OCA2: variants seen among roughly 807,000 people sequenced by gnomAD.
OCA2 encodes the protein P protein.
In OCA2, 77 loss-of-function variants were observed where a neutral mutation model predicts 100.2. The observed-to-expected ratio is 0.77, with a 90% CI of 0.64 to 0.93. The LOEUF (loss-of-function observed/expected upper bound fraction) is 0.93. Among genes scored for constraint, OCA2 ranks in the 40% least tolerant of loss-of-function variants. The pLI, the probability that OCA2 is intolerant of heterozygous loss-of-function variation, is 0.00. For synonymous variants in OCA2, 432 were observed against 439.2 expected (o/e 0.98, Z 0.21); for missense variants, 1,062 against 1,089.1 (o/e 0.98, Z 0.35).
At chr15:27,728,517 A>C in the OCA2 span, among the ~76,000 whole-genome samples, 1 of 152,218 alleles carries the variant, frequency 6.6e-6, no homozygotes, top group South Asian at 2.1e-4. Flanking sequence ...TTTCGGCGCA[A>C]GCTGGCACTG....
intron 2 of OCA2, among the ~76,000 whole-genome samples, chr15:28,079,302 T>G (rs949729347): frequency 3.3e-4 from 32 of 96,512 alleles, no homozygotes; most frequent in African/African-American, 1.4e-3. Context: ...GATTACTGTT[T>G]TTTTTTTTTT....
chr15:27,889,298 T>C (rs953927065), intron 19 of OCA2, among the ~76,000 whole-genome samples: 5 of 152,180 alleles, frequency 3.3e-5, no homozygotes, highest in African/African-American at 9.7e-5. Flanking sequence ...CTCTCTCACC[T>C]TTGAGGTCTA....
intron 14 of OCA2, among the ~76,000 whole-genome samples, chr15:27,972,878 A>ATTTTTT (rs1371933501): frequency 5.5e-5 from 2 of 36,540 alleles, no homozygotes; most frequent in African/African-American, 1.1e-4. Flanking sequence ...ATTTTATTTT[A>ATTTTTT]TTTTTGTGAC....
intron 19 of OCA2, among the ~76,000 whole-genome samples, chr15:27,903,510 T>C (rs2594904): frequency 0.2 from 29,883 of 152,210 alleles, 5,161 homozygotes; most frequent in African/African-American, 0.46. Context: ...TTTGTTGAGA[T>C]GGAGTCTTGC....
chr15:27,952,001 T>G, intron 17 of OCA2, 109 bp from the exon 18 acceptor site: 1 of 811,282 alleles, frequency 1.2e-6, no homozygotes, highest in South Asian at 1.4e-5. Flanking sequence ...GGATGAAAAA[T>G]GTAACCTCTC....
intron 23 of OCA2, among the ~76,000 whole-genome samples, chr15:27,833,645 A>C (rs1489235674): frequency 1.3e-5 from 2 of 152,244 alleles, no homozygotes; most frequent in Admixed American, 1.3e-4. Flanking sequence ...AAGTTACATA[A>C]AAGCAATCAT....
intron 2 of OCA2, among the ~76,000 whole-genome samples, chr15:28,069,562 G>A (rs1239213682): frequency 9.2e-5 from 13 of 141,038 alleles, no homozygotes; most frequent in African/African-American, 3.1e-4. Context: ...GCAGGCACGC[G>A]CCGCCACGCC....
the OCA2 span, among the ~76,000 whole-genome samples, chr15:27,746,054 T>C: frequency 0.3 from 46,239 of 152,162 alleles, 8,689 homozygotes; most frequent in Non-Finnish European, 0.43. Context: ...CTTGGGCACA[T>C]GTTCTCAGGA....
intron 23 of OCA2, among the ~76,000 whole-genome samples, chr15:27,823,162 A>C: frequency 6.6e-6 from 1 of 152,178 alleles, no homozygotes; most frequent in Non-Finnish European, 1.5e-5. Context: ...GGAGAGCCTT[A>C]TACGTTTGAG....
intron 12 of OCA2, among the ~76,000 whole-genome samples, chr15:27,985,971 G>A (rs970026254): frequency 2.6e-5 from 4 of 152,206 alleles, no homozygotes; most frequent in Admixed American, 6.5e-5. Flanking sequence ...GATTACAGGC[G>A]TGAGCCACTG....
chr15:28,084,763 G>A (rs912540814), intron 1 of OCA2, among the ~76,000 whole-genome samples: 2 of 152,158 alleles, frequency 1.3e-5, no homozygotes, highest in Admixed American at 6.5e-5. Flanking sequence ...AGAAGTTTAT[G>A]GTGTTTTGTT....
the OCA2 span, among the ~76,000 whole-genome samples, chr15:27,741,227 TAC>T: frequency 2.0e-5 from 3 of 152,196 alleles, no homozygotes; most frequent in African/African-American, 7.2e-5. Context: ...ACACATCCCT[TAC>T]ACACATAGAA....
At chr15:27,851,872 CCTTT>C (rs1471872884) in intron 21 of OCA2, among the ~76,000 whole-genome samples, 1 of 152,148 alleles carries the variant, frequency 6.6e-6, no homozygotes, top group Non-Finnish European at 1.5e-5. Flanking sequence ...GTTACTCCTT[CCTTT>C]GACAGATGAG....
In OCA2 at chr15:27,920,876, A is replaced by G. The variant is rs561789391; in HGVS notation, c.2079+5251T>C. Among the ~76,000 whole-genome samples the G allele has an allele frequency of 2.0e-5, 3 of 152,222 alleles. No individual in the cohort carries two copies. The East Asian group carries it at 5.8e-4, about 29-fold the overall frequency. ...AAAATAGATCAATAGAAATTACTCAATCTGAAGAACATAGAAGAAAAAAGA... is the reference window on the plus strand; with the variant it reads ...AAAATAGATCAATAGAAATTACTCAGTCTGAAGAACATAGAAGAAAAAAGA... On this transcript the variant is annotated intron_variant, in intron 19 of 23. Coordinates refer to ENST00000354638, the MANE Select transcript of OCA2 (RefSeq NM_000275.3).
rs5811523 is a variant in OCA2 at position 27,995,559 on chromosome 15, A to ATTTTT, written c.1045-4917_1045-4913dup. Among the ~76,000 whole-genome samples, 7 of 148,082 alleles carry ATTTTT rather than the reference A, an allele frequency of 4.7e-5. No homozygotes were observed. In the South Asian group the frequency reaches 8.6e-4, roughly 18 times the overall value. On this transcript the variant is annotated intron_variant, in intron 9 of 23. Transcript: ENST00000354638. The stretch of plus-strand genomic sequence containing the variant: ...AAGTGTACACCACCATGTCCAGCTA[A>ATTTTT]TTTTTTTTTTTCAGAGATGGAGGTC...
the OCA2 span, among the ~76,000 whole-genome samples, chr15:27,745,091 T>G: frequency 6.6e-6 from 1 of 152,190 alleles, no homozygotes; most frequent in Non-Finnish European, 1.5e-5. Context: ...AGAGGGTTCT[T>G]GGATCTCCCA....
chr15:27,823,704 T>C (rs146379901), intron 23 of OCA2, among the ~76,000 whole-genome samples: 12 of 152,282 alleles, frequency 7.9e-5, no homozygotes, highest in African/African-American at 2.6e-4. Context: ...TAACACTCTC[T>C]CCCTCCCCGA....
intron 9 of OCA2, among the ~76,000 whole-genome samples, chr15:27,995,131 A>G (rs1331659928): frequency 2.6e-5 from 4 of 152,196 alleles, no homozygotes; most frequent in Non-Finnish European, 5.9e-5. Context: ...GCACAGCAGT[A>G]TTAACAGAGA....
intron 18 of OCA2, among the ~76,000 whole-genome samples, chr15:27,948,415 A>C (rs527688125): frequency 6.6e-6 from 1 of 152,158 alleles, no homozygotes; most frequent in Non-Finnish European, 1.5e-5. Context: ...ACAGAAAACC[A>C]TGTGCTCAGA....
Sources: allele counts gnomAD v4.1 joint callset (sites outside exome capture counted in the v4.1 genomes callset), GRCh38; gene constraint gnomAD v4.1.1; transcripts MANE v1.5; gene names NCBI Gene and HGNC (gene_info 2026-07-23, HGNC 2026-07-21).